NFIA: variants seen among roughly 807,000 people sequenced by gnomAD.
NFIA encodes the protein nuclear factor 1 A-type.
A neutral mutation model predicts 62.8 loss-of-function variants in NFIA; 8 were observed. The ratio of observed to expected loss-of-function variants is 0.13; its 90% CI spans 0.07 to 0.23. The LOEUF is 0.23. Among genes scored for constraint, NFIA ranks in the 10% least tolerant of loss-of-function variants. The probability of loss-of-function intolerance (pLI) is 1.00; values close to 1 mark genes in which losing one functional copy is unlikely to be tolerated. For missense variants in NFIA, 410 were observed against 642.1 expected, an observed-to-expected ratio of 0.64 and a Z score of 3.91; for synonymous variants, 235 against 238.1, an observed-to-expected ratio of 0.99 and a Z score of 0.12.
chr1:61,365,680 A>G (rs888686848), intron 6 of NFIA, among the ~76,000 whole-genome samples: 3 of 152,204 alleles, frequency 2.0e-5, no homozygotes, highest in African/African-American at 7.2e-5. Context: ...AGATACAGAG[A>G]GGACTCCAGC....
chr1:61,424,413 A>G (rs1027428097), intron 9 of NFIA, among the ~76,000 whole-genome samples: 7 of 151,350 alleles, frequency 4.6e-5, no homozygotes, highest in African/African-American at 1.5e-4. Flanking sequence ...TGTCCCCAGT[A>G]TGGTAAGAAT....
At chr1:61,263,924 A>T (rs1246770858) in intron 2 of NFIA, among the ~76,000 whole-genome samples, 2 of 152,042 alleles carry the variant, frequency 1.3e-5, no homozygotes, top group Non-Finnish European at 1.5e-5. Flanking sequence ...CGGGAGGCAG[A>T]GGTTGCAGTG....
At chr1:61,383,462 C>T (rs908090208) in intron 7 of NFIA, 97 bp downstream of exon 7, 301 of 1,453,022 alleles carry the variant, frequency 2.1e-4, no homozygotes, top group Non-Finnish European at 2.7e-4. Flanking sequence ...CCTGAACACT[C>T]GTGAGGCAGT....
intron 2 of NFIA, among the ~76,000 whole-genome samples, chr1:61,189,308 G>C (rs983767967): frequency 1.3e-5 from 2 of 152,148 alleles, no homozygotes; most frequent in Non-Finnish European, 2.9e-5. Flanking sequence ...GTTCTGCTCT[G>C]CTTGGATTGC....
rs1002226556 is a variant in NFIA at position 61,460,318 on chromosome 1, C to T, written c.*4998C>T. 6.6e-6 allele frequency: 1 copy of T among 152,180 alleles called. No homozygotes were observed. The highest frequency in any genetic ancestry group is 1.5e-5 in the Non-Finnish European group (1 of 68,038). The allele number at this position is 152,180 out of a possible 1,614,324, so 9.4% of individuals were successfully genotyped here. A position where few individuals can be genotyped will look rare whatever the true frequency, so the allele number is the denominator to read the frequency against. On this transcript the variant is annotated 3_prime_UTR_variant, in exon 11 of 11. Transcript: ENST00000403491. ...GGATGAAAATTGCTTTGATATATAG[C>T]AGGTAACATTGAAGCTATTCCATAG... is the stretch of plus-strand genomic sequence containing the variant.
chr1:61,077,586 G>C (rs376317501), upstream of NFIA: 22 of 1,367,482 alleles, frequency 1.6e-5, no homozygotes, highest in African/African-American at 2.2e-4. Context: ...CAATTCGTCT[G>C]AGCATTTTAA....
intron 3 of NFIA, among the ~76,000 whole-genome samples, chr1:61,329,670 A>AT (rs913545615): frequency 2.0e-5 from 3 of 151,980 alleles, no homozygotes; most frequent in African/African-American, 4.8e-5. Flanking sequence ...CCCTGCCGTA[A>AT]TTTTTTTTAC....
rs116321234 is a variant in NFIA at position 61,326,245 on chromosome 1, G to A, written c.626-6267G>A. Among the ~76,000 whole-genome samples the A allele has an allele frequency of 2.0e-3, 299 of 152,242 alleles. 1 individual carries two copies. Among genetic ancestry groups the A allele is most frequent in the Non-Finnish European group, 2.5e-3 (171 of 68,012 alleles). On this transcript the variant is annotated intron_variant, in intron 3 of 10. Transcript: ENST00000403491. ...GAACTTTAAAAATATGAACCATAAA[G>A]GGAACAATAAGACAATCCCCAGGCA...
chr1:61,393,481 T>C, intron 7 of NFIA, among the ~76,000 whole-genome samples: 1 of 151,412 alleles, frequency 6.6e-6, no homozygotes, highest in Admixed American at 6.6e-5. Flanking sequence ...GAGCAGCTTT[T>C]CAACAACAGA....
intron 2 of NFIA, among the ~76,000 whole-genome samples, chr1:61,134,954 A>G (rs1647154976): frequency 6.6e-6 from 1 of 152,256 alleles, no homozygotes; most frequent in Non-Finnish European, 1.5e-5. Context: ...AGAAAATAGA[A>G]TGGTATTGAC....
chr1:61,132,083 G>A (rs962356626), intron 2 of NFIA, among the ~76,000 whole-genome samples: 1 of 152,106 alleles, frequency 6.6e-6, no homozygotes, highest in Non-Finnish European at 1.5e-5. Context: ...ATATAGGTAA[G>A]CCAATTGGTA....
chr1:61,082,293 C>T (rs1460818322), upstream of NFIA: 3 of 314,654 alleles, frequency 9.5e-6, no homozygotes, highest in African/African-American at 4.4e-5. Context: ...AGCGAGCCAG[C>T]CTGCGAGCGC....
intron 7 of NFIA, among the ~76,000 whole-genome samples, chr1:61,387,029 C>T (rs1307075836): frequency 6.6e-6 from 1 of 152,140 alleles, no homozygotes; most frequent in Non-Finnish European, 1.5e-5. Context: ...ATGAGGGCCC[C>T]ACCCTGTGAC....
chr1:61,203,811 A>G (rs973893944), intron 2 of NFIA, among the ~76,000 whole-genome samples: 8 of 151,594 alleles, frequency 5.3e-5, no homozygotes, highest in African/African-American at 1.9e-4. Flanking sequence ...TGAATTAAAG[A>G]AAAAAAAGAA....
chr1:61,342,741 C>T (rs1021468164), intron 4 of NFIA, among the ~76,000 whole-genome samples: 3 of 152,194 alleles, frequency 2.0e-5, no homozygotes, highest in Admixed American at 2.0e-4. Flanking sequence ...AATATATCTC[C>T]TTCATAACTG....
intron 10 of NFIA, among the ~76,000 whole-genome samples, chr1:61,452,864 A>G (rs1414086310): frequency 1.3e-5 from 2 of 151,854 alleles, no homozygotes; most frequent in East Asian, 3.9e-4. Context: ...AAGGAGTAAC[A>G]TTCACATCGC....
intron 6 of NFIA, among the ~76,000 whole-genome samples, chr1:61,378,011 A>G (rs924085003): frequency 2.0e-5 from 3 of 152,194 alleles, no homozygotes; most frequent in African/African-American, 7.2e-5. Flanking sequence ...CTTTAAGAAG[A>G]TACCTAAGGA....
At chr1:61,148,215 T>C (rs1402094782) in intron 2 of NFIA, among the ~76,000 whole-genome samples, 1 of 152,138 alleles carries the variant, frequency 6.6e-6, no homozygotes, top group African/African-American at 2.4e-5. Context: ...GAATGAGTGG[T>C]TGTTGTGGCA....
chr1:61,428,324 T>A (rs1226131098), intron 10 of NFIA, among the ~76,000 whole-genome samples: 1 of 152,120 alleles, frequency 6.6e-6, no homozygotes, highest in Non-Finnish European at 1.5e-5. Flanking sequence ...AAATCCAGAT[T>A]TTCCACGCAT....
Sources: gnomAD v4.1 joint callset for allele counts (sites outside exome capture counted in the v4.1 genomes callset) on GRCh38, gnomAD v4.1.1 for gene constraint, MANE v1.5 for transcripts, NCBI Gene and HGNC (gene_info 2026-07-23, HGNC 2026-07-21) for gene names.